HGS: variants seen among roughly 807,000 people sequenced by gnomAD.
The protein encoded by HGS is hepatocyte growth factor-regulated tyrosine kinase substrate, also known as human growth factor-regulated tyrosine kinase substrate.
Under a neutral mutation model 109.7 loss-of-function variants are expected in HGS, and 63 were observed. That is an observed-to-expected ratio of 0.57 (90% CI 0.47 to 0.71). HGS has a LOEUF of 0.71. Ranked by LOEUF, HGS falls within the 30% of genes least tolerant of loss-of-function variation. HGS has a pLI of 0.00. For missense variants in HGS, 995 were observed against 1,068.3 expected (o/e 0.93, Z 0.96); for synonymous variants, 546 against 437.3 (o/e 1.25, Z -3.10).
At chr17:81,699,137 T>C (rs577008398) in intron 18 of HGS, among the ~76,000 whole-genome samples, 1 of 152,346 alleles carries the variant, frequency 6.6e-6, no homozygotes, top group East Asian at 1.9e-4. Flanking sequence ...AGTTTTCTTT[T>C]GCATTGTTTT....
chr17:81,692,695 C>T (rs2037082630), intron 8 of HGS: 1 of 152,420 alleles, frequency 6.6e-6, no homozygotes, highest in East Asian at 1.9e-4. Flanking sequence ...GAAAGAGCCC[C>T]AGGTCGGCCG....
In HGS at chr17:81,701,257, C is replaced by A. The variant is rs778694381; in HGVS notation, c.2223+126C>A. 3.0e-5 allele frequency: 27 copies of A among 886,840 alleles called. No individual in the cohort carries two copies. In the African/African-American group the frequency reaches 4.3e-4, roughly 14 times the overall value. 54.9% of individuals were successfully genotyped at this position (886,840 alleles called of 1,614,324 possible). On this transcript the variant is annotated intron_variant, in intron 21 of 21. Transcript: ENST00000329138. ...GTCTGCTCACAGGGGGAGACGCATACCCGAGGCCCCTTCTCAGCAGACAGA... is the reference window on the plus strand; with the variant it reads ...GTCTGCTCACAGGGGGAGACGCATAACCGAGGCCCCTTCTCAGCAGACAGA...
rs1428774791 is a variant in HGS at position 81,696,677 on chromosome 17, G to A, written c.1637G>A (p.Arg546Gln). Reference sequence around the variant, plus strand: ...GAGCAGGAGAAGGAGCGGCAGATGCGGCTGGAGCAGCAGAAGCAGACGGTC... The same window carrying A: ...GAGCAGGAGAAGGAGCGGCAGATGCAGCTGGAGCAGCAGAAGCAGACGGTC... ...LQEQEKERQM[R>Q]LEQQKQTVQM... The change falls in exon 17 of 22, where the codon CGG (arginine) becomes CAG (glutamine). Residue 546 changes from arginine (R) to glutamine (Q), a missense_variant. Around this residue, in one of 6 missense-constraint regions of HGS, gnomAD observed 163 missense variants for 217.8 expected, o/e 0.75. Coordinates refer to ENST00000329138, the MANE Select transcript of HGS (RefSeq NM_004712.5). 5.6e-6 allele frequency: 9 copies of A among 1,611,468 alleles called. No individual in the cohort carries two copies. Among genetic ancestry groups the A allele is most frequent in the Non-Finnish European group, 7.6e-6 (9 of 1,179,640 alleles).
In HGS at chr17:81,695,658, T is replaced by G. The variant is rs1044641452; in HGVS notation, c.1180-128T>G. On this transcript the variant is annotated intron_variant, in intron 14 of 21. Coordinates refer to ENST00000329138, the MANE Select transcript of HGS (RefSeq NM_004712.5). ...CGCCTTCCTCAGCTGTAGAAGGGGC[T>G]GCTTGCATAAGGAGCAGATGGACTC... 9 of 802,064 alleles carry G rather than the reference T, an allele frequency of 1.1e-5. No homozygotes were observed. The Admixed American group carries it at 1.8e-4, about 16-fold the overall frequency. The allele number at this position is 802,064 out of a possible 1,614,324, so 49.7% of individuals were successfully genotyped here.
At position 81,688,811 on chromosome 17, in the gene HGS, G is replaced by A; in HGVS notation, c.399G>A (p.Gln133=). The A allele has an allele frequency of 1.9e-6, 3 of 1,614,174 alleles. No homozygotes were observed. The highest frequency in any genetic ancestry group is 8.5e-7 in the Non-Finnish European group (1 of 1,180,008). ...ACAAGGTGGTCCAGGACACCTACCA[G>A]ATCATGAAGGTGGAGGGTGAGTCAG... The part of the protein sequence containing the change: ...PKYKVVQDTY[Q]IMKVEGHVFP... The change falls in exon 5 of 22, where the codon CAG becomes CAA. Residue 133 remains glutamine (Q), a synonymous_variant. Transcript: ENST00000329138.
At chr17:81,696,163 ATGCCC>A (rs58903919) in intron 15 of HGS, 164 bp downstream of exon 15, 67,043 of 768,694 alleles carry the variant, frequency 0.087, 4,156 homozygotes, top group East Asian at 0.26. Context: ...AGTGATGACC[ATGCCC>A]TGCCCTGCCC....
chr17:81,686,903 G>A (rs543873706), intron 3 of HGS, 100 bp from the exon 4 acceptor site: 19 of 938,264 alleles, frequency 2.0e-5, no homozygotes, highest in East Asian at 5.2e-5. Flanking sequence ...CGGGCCTGTC[G>A]AAGGGCTCTG....
intron 18 of HGS, 94 bp downstream of exon 18, chr17:81,697,092 T>C: frequency 7.5e-7 from 1 of 1,332,968 alleles, no homozygotes; most frequent in Non-Finnish European, 1.0e-6. Context: ...TGCGAAGGGT[T>C]TTCCCAGTTG....
intron 2 of HGS, among the ~76,000 whole-genome samples, chr17:81,685,891 T>C (rs1054996390): frequency 2.0e-5 from 3 of 152,232 alleles, no homozygotes; most frequent in Non-Finnish European, 4.4e-5. Context: ...TACCTGGTTA[T>C]GTTTGTATTT....
chr17:81,701,542 C>T lies in HGS; in HGVS notation c.2258C>T (p.Pro753Leu). 1 of 1,565,972 alleles carries T rather than the reference C, an allele frequency of 6.4e-7. No homozygotes were observed. Among genetic ancestry groups the T allele is most frequent in the Non-Finnish European group, 8.6e-7 (1 of 1,162,690 alleles). Residue 753 changes from proline (P) to leucine (L), a missense_variant, in exon 22 of 22, where the codon CCC becomes CTC. This residue lies in a region of HGS where 326 missense variants were observed against 309.7 expected (regional missense o/e 1.05). Transcript: ENST00000329138. ...APSGGPPQQQ[P>L]PVAQQPQAQG... ...TCTGGCGGTCCCCCCCAGCAGCAGC[C>T]CCCCGTGGCCCAGCAACCGCAGGCA...
intron 1 of HGS, 134 bp downstream of exon 1, chr17:81,684,237 C>T (rs1192332866): frequency 8.2e-6 from 7 of 858,106 alleles, no homozygotes; most frequent in Non-Finnish European, 1.1e-5. Context: ...CCGCTGTCCT[C>T]CCGGGTTCGG....
chr17:81,690,502 C>T (rs1158282257), intron 6 of HGS, 172 bp from the exon 7 acceptor site: 3 of 638,404 alleles, frequency 4.7e-6, no homozygotes, highest in South Asian at 4.1e-5. Flanking sequence ...TTCCTCAGGC[C>T]TCGGCAGCTT....
At chr17:81,689,145 C>G (rs1281917945) in intron 5 of HGS, among the ~76,000 whole-genome samples, 2 of 152,242 alleles carry the variant, frequency 1.3e-5, no homozygotes, top group African/African-American at 4.8e-5. Flanking sequence ...CAGGGAAGGC[C>G]TCTGAAGGAG....
chr17:81,685,047 G>A, intron 1 of HGS: 1 of 985,412 alleles, frequency 1.0e-6, no homozygotes, highest in African/African-American at 1.7e-5. Context: ...GTTGGAGACA[G>A]CAGTGATGTG....
chr17:81,693,953 C>G lies in HGS; in HGVS notation c.924C>G (p.Tyr308Ter). The part of the protein sequence containing the change: ...ASSAPPASSL[Y>*]SSPVNSSAPL... ...CAGCGCCCCCCGCCAGCAGCCTGTA[C>G]TCTTCACCTGTGGTGAGCGGCCCTT... is the stretch of plus-strand genomic sequence containing the variant. The change falls in exon 11 of 22, where the codon TAC (tyrosine) becomes TAG (stop). Residue 308 changes from tyrosine (Y) to a stop codon, truncating the protein, a stop_gained. Coordinates refer to ENST00000329138, the MANE Select transcript of HGS (RefSeq NM_004712.5). LOFTEE classifies it high-confidence loss of function. The G allele has an allele frequency of 6.2e-7, 1 of 1,610,552 alleles. No individual in the cohort carries two copies. The highest frequency in any genetic ancestry group is 8.5e-7 in the Non-Finnish European group (1 of 1,179,524).
Position 81,696,004 on chromosome 17 carries a change from G to A in HGS, c.1393+5G>A. On this transcript the variant is annotated splice_donor_5th_base_variant and intron_variant, in intron 15 of 21. Transcript: ENST00000329138. ...ACCAGCTGGACGAGCGCAGGCGTAG[G>A]TGCCCGCGCCACGGGGCCTCGGCTC... is the stretch of plus-strand genomic sequence containing the variant. The A allele has an allele frequency of 1.3e-6, 2 of 1,542,730 alleles. No homozygotes were observed. Among genetic ancestry groups the A allele is most frequent in the Non-Finnish European group, 8.8e-7 (1 of 1,142,840 alleles).
rs758962200 is a variant in HGS, at chr17:81,695,241, C to T, written c.1179+18C>T. 5 of 1,613,374 alleles carry T rather than the reference C, an allele frequency of 3.1e-6. No individual in the cohort carries two copies. Among genetic ancestry groups the T allele is most frequent in the Non-Finnish European group, 3.4e-6 (4 of 1,179,284 alleles). Reference sequence around the variant, plus strand: ...TTAGTGAGGTAAGCTGTGGCTCCCTCCACGGGCCAGGGCAAAACATGGCCT... The same window carrying T: ...TTAGTGAGGTAAGCTGTGGCTCCCTTCACGGGCCAGGGCAAAACATGGCCT... On this transcript the variant is annotated intron_variant, in intron 14 of 21. Coordinates refer to ENST00000329138, the MANE Select transcript of HGS (RefSeq NM_004712.5).
In HGS at chr17:81,684,084, C is replaced by A; in HGVS notation, c.18C>A (p.Gly6=). Residue 6 remains glycine (G), a synonymous_variant, in exon 1 of 22, where the codon GGC becomes GGA. Coordinates refer to ENST00000329138, the MANE Select transcript of HGS (RefSeq NM_004712.5). ...AGGTCGCCATGGGGCGAGGCAGCGGCACCTTCGAGCGTCTCCTAGGTAACG... is the reference window on the plus strand; with the variant it reads ...AGGTCGCCATGGGGCGAGGCAGCGGAACCTTCGAGCGTCTCCTAGGTAACG... MGRGS[G]TFERLLDKAT... is the part of the protein sequence containing the mutation. 1 of 1,593,634 alleles carries A rather than the reference C, an allele frequency of 6.3e-7. No individual in the cohort carries two copies. The highest frequency in any genetic ancestry group is 8.5e-7 in the Non-Finnish European group (1 of 1,172,314).
Position 81,701,953 on chromosome 17 carries a change from T to G in HGS, c.*335T>G, listed in dbSNP as rs2037244688. On this transcript the variant is annotated 3_prime_UTR_variant, in exon 22 of 22. Transcript: ENST00000329138. ...CAGCCTGTGCCCTCTGGCCGCACTG[T>G]GAGCTGGCTGTGGTGTCTGGGTGTG... 2 of 231,954 alleles carry G rather than the reference T, an allele frequency of 8.6e-6. No homozygotes were observed. Among genetic ancestry groups the G allele is most frequent in the Non-Finnish European group, 8.4e-6 (1 of 119,306 alleles). 14.4% of individuals were successfully genotyped at this position (231,954 alleles called of 1,614,324 possible).
Sources: allele counts gnomAD v4.1 joint callset (sites outside exome capture counted in the v4.1 genomes callset), GRCh38; gene constraint gnomAD v4.1.1; regional missense constraint gnomAD v4.1.1; transcripts MANE v1.5; gene names NCBI Gene and HGNC (gene_info 2026-07-23, HGNC 2026-07-21).